Variants in AGO2 observed in about 807,000 individuals in gnomAD.
The protein encoded by AGO2 is argonaute RISC catalytic component 2, also known as protein argonaute-2.
AGO2 carries 5 observed loss-of-function variants against 102.3 expected under a neutral mutation model. The observed-to-expected ratio is 0.05, with a 90% CI of 0.03 to 0.10. AGO2 has a LOEUF of 0.10. AGO2 is among the 10% of genes least tolerant of loss of function. AGO2 has a pLI of 1.00. For synonymous variants in AGO2, 449 were observed against 473.1 expected (o/e 0.95, Z 0.66); for missense variants, 541 against 1,183.7 (o/e 0.46, Z 7.97).
At chr8:140,551,552 G>T (rs1810846518) in intron 10 of AGO2, 116 bp from the exon 11 acceptor site, 1 of 1,217,016 alleles carries the variant, frequency 8.2e-7, no homozygotes, top group Non-Finnish European at 1.1e-6. Context: ...CTCAGGGAAA[G>T]AACTTTTGTG....
At chr8:140,590,209 A>G (rs1056182058) in intron 1 of AGO2, among the ~76,000 whole-genome samples, 4 of 152,190 alleles carry the variant, frequency 2.6e-5, no homozygotes, top group African/African-American at 9.6e-5. Context: ...CTGGGTCCCC[A>G]GCTGATGCGT....
At chr8:140,600,510 A>G (rs1321937728) in intron 1 of AGO2, among the ~76,000 whole-genome samples, 1 of 152,022 alleles carries the variant, frequency 6.6e-6, no homozygotes, top group African/African-American at 2.4e-5. Flanking sequence ...GAGAAACACC[A>G]TCTCTACTAC....
intron 2 of AGO2, among the ~76,000 whole-genome samples, chr8:140,575,928 T>C (rs2073456697): frequency 6.6e-6 from 1 of 151,964 alleles, no homozygotes; most frequent in South Asian, 2.1e-4. Flanking sequence ...TTCTAAGAAA[T>C]GTCCCTAAAG....
intron 1 of AGO2, among the ~76,000 whole-genome samples, chr8:140,617,186 G>A (rs140037878): frequency 2.8e-4 from 43 of 152,232 alleles, no homozygotes; most frequent in Non-Finnish European, 5.4e-4. Context: ...AGCAGCTAAC[G>A]CGAGCACCTG....
intron 1 of AGO2, among the ~76,000 whole-genome samples, chr8:140,614,326 A>G (rs2152103171): frequency 6.6e-6 from 1 of 152,346 alleles, no homozygotes; most frequent in Non-Finnish European, 1.5e-5. Context: ...TCCGTCTCAA[A>G]ACAAAACAAA....
rs150795211 is a variant in AGO2 at position 140,554,385 on chromosome 8, C to A, written c.1269+1511G>T. On this transcript the variant is annotated intron_variant, in intron 10 of 18. Transcript: ENST00000220592. ...ACCACCAGGGACACAGACCCCCCCA[C>A]GTGATGGGGTGCCACGCAGCAGTGC... 3.4e-3 allele frequency among the ~76,000 whole-genome samples: 513 copies of A among 152,232 alleles called. 1 individual carries two copies. The highest frequency in any genetic ancestry group is 0.011 in the African/African-American group (475 of 41,578).
intron 13 of AGO2, 83 bp downstream of exon 13, chr8:140,547,385 G>GC: frequency 6.5e-7 from 1 of 1,529,568 alleles, no homozygotes; most frequent in Non-Finnish European, 8.8e-7. Flanking sequence ...CTGCCCCCCT[G>GC]CCCCCTGCAT....
intron 1 of AGO2, among the ~76,000 whole-genome samples, chr8:140,619,803 G>T (rs2074193659): frequency 6.6e-6 from 1 of 152,214 alleles, no homozygotes; most frequent in Admixed American, 6.5e-5. Flanking sequence ...ACCTGCTAAG[G>T]TTATAAGCAA....
chr8:140,549,209 G>A lies in AGO2; in HGVS notation c.1493C>T (p.Ala498Val). The A allele has an allele frequency of 6.2e-7, 1 of 1,613,516 alleles. No individual in the cohort carries two copies. Among genetic ancestry groups the A allele is most frequent in the Non-Finnish European group, 8.5e-7 (1 of 1,179,762 alleles). Residue 498 changes from alanine (A) to valine (V), a missense_variant, in exon 12 of 19, where the codon GCG becomes GTG. Physicochemically the swap from Ala to Val is moderately conservative, Grantham distance 64. This residue lies in a region of AGO2 where 309 missense variants were observed against 735.1 expected (regional missense o/e 0.42). Coordinates refer to ENST00000220592, the MANE Select transcript of AGO2 (RefSeq NM_012154.5). ...QPCFCKYAQG[A>V]DSVEPMFRHL... ...CCGGAACATGGGCTCCACGCTGTCC[G>A]CCCCCTGCGCGTATTTGCAGAAGCA...
At chr8:140,575,547 T>C (rs2073451898) in intron 2 of AGO2, among the ~76,000 whole-genome samples, 1 of 152,172 alleles carries the variant, frequency 6.6e-6, no homozygotes. Context: ...TCTACTCACA[T>C]TCAAAGAACA....
intron 11 of AGO2, among the ~76,000 whole-genome samples, chr8:140,549,687 C>T (rs1028827746): frequency 6.6e-6 from 1 of 152,286 alleles, no homozygotes; most frequent in African/African-American, 2.4e-5. Context: ...AAGCTCTCCC[C>T]ACGTGCAGGC....
chr8:140,599,306 C>T (rs2073895447), intron 1 of AGO2, among the ~76,000 whole-genome samples: 1 of 152,194 alleles, frequency 6.6e-6, no homozygotes, highest in Admixed American at 6.5e-5. Flanking sequence ...CCAGGATTAT[C>T]ACCGGCTCGT....
intron 1 of AGO2, among the ~76,000 whole-genome samples, chr8:140,599,365 GA>G (rs1244206240): frequency 6.6e-6 from 1 of 152,172 alleles, no homozygotes; most frequent in Non-Finnish European, 1.5e-5. Context: ...GGCCACAGCA[GA>G]AAAACGCGTG....
At position 140,625,171 on chromosome 8, in the gene AGO2, C is replaced by T. The variant is rs188147991; in HGVS notation, c.22+10314G>A. On this transcript the variant is annotated intron_variant, in intron 1 of 18. Coordinates refer to ENST00000220592, the MANE Select transcript of AGO2 (RefSeq NM_012154.5). ...TCAGCCTGCACCTGGGCCCTGGCTG[C>T]ATCCCTCCTTTGCTGGAGTGCAGTG... 5.4e-3 allele frequency among the ~76,000 whole-genome samples: 829 copies of T among 152,348 alleles called. 7 individuals are homozygous for T. Among genetic ancestry groups the T allele is most frequent in the African/African-American group, 0.019 (780 of 41,590 alleles).
intron 3 of AGO2, among the ~76,000 whole-genome samples, chr8:140,571,202 G>A (rs2073372914): frequency 6.6e-6 from 1 of 152,110 alleles, no homozygotes; most frequent in African/African-American, 2.4e-5. Flanking sequence ...CCATGAGATC[G>A]CTTTATGCAG....
chr8:140,553,785 G>C (rs1007407339), intron 10 of AGO2, among the ~76,000 whole-genome samples: 1 of 151,988 alleles, frequency 6.6e-6, no homozygotes, highest in South Asian at 2.1e-4. Flanking sequence ...TGCAACCTCT[G>C]CCTCCCAGGT....
At chr8:140,640,051 T>C (rs1411979967), upstream of AGO2, among the ~76,000 whole-genome samples, 1 of 152,208 alleles carries the variant, frequency 6.6e-6, no homozygotes, top group African/African-American at 2.4e-5. Context: ...CTCTGTCTCC[T>C]AGGCTGGAGA....
intron 2 of AGO2, among the ~76,000 whole-genome samples, chr8:140,583,977 GTA>G: frequency 6.6e-6 from 1 of 152,262 alleles, no homozygotes; most frequent in South Asian, 2.1e-4. Flanking sequence ...GACCACGGTG[GTA>G]TATGTGTCTG....
chr8:140,525,014 G>A lies in AGO2; in HGVS notation c.*7030C>T, dbSNP rs541043769. 7.2e-5 allele frequency: 11 copies of A among 152,350 alleles called. No individual in the cohort carries two copies. The East Asian group carries it at 1.9e-3, about 27-fold the overall frequency. The allele number at this position is 152,350 out of a possible 1,614,324, so 9.4% of individuals were successfully genotyped here. A position where few individuals can be genotyped will look rare whatever the true frequency, so the allele number is the denominator to read the frequency against. On this transcript the variant is annotated 3_prime_UTR_variant, in exon 19 of 19. Transcript: ENST00000220592. ...CTTAAATCCAAGGAGGTTTTAAATAGGAGATAACTCAGCCTCTTCCTACCC... is the reference window on the plus strand; with the variant it reads ...CTTAAATCCAAGGAGGTTTTAAATAAGAGATAACTCAGCCTCTTCCTACCC...
Sources: allele counts gnomAD v4.1 joint callset (sites outside exome capture counted in the v4.1 genomes callset), GRCh38; gene constraint gnomAD v4.1.1; regional missense constraint gnomAD v4.1.1; transcripts MANE v1.5; gene names NCBI Gene and HGNC (gene_info 2026-07-23, HGNC 2026-07-21).